SMC2: variants seen among roughly 807,000 people sequenced by gnomAD.
SMC2 encodes structural maintenance of chromosomes 2, also known as structural maintenance of chromosomes protein 2.
In SMC2, 41 loss-of-function variants were observed where a neutral mutation model predicts 142.6. The ratio of observed to expected loss-of-function variants is 0.29; its 90% CI spans 0.22 to 0.37. The LOEUF is 0.37. SMC2 is among the 10% of genes least tolerant of loss of function. The pLI, the probability that SMC2 is intolerant of heterozygous loss-of-function variation, is 1.00. For synonymous variants in SMC2, 463 were observed against 457.5 expected (o/e 1.01, Z -0.15); for missense variants, 1,265 against 1,373.7 (o/e 0.92, Z 1.25).
Position 104,114,772 on chromosome 9 carries a change from C to G in SMC2, c.1614C>G (p.Thr538=). 1 of 1,613,158 alleles carries G rather than the reference C, an allele frequency of 6.2e-7. No individual in the cohort carries two copies. The highest frequency in any genetic ancestry group is 8.5e-7 in the Non-Finnish European group (1 of 1,179,378). ...SLISVKDTSA[T]TALELVAGER... is the part of the protein sequence containing the mutation. The stretch of plus-strand genomic sequence containing the variant: ...TTAGTGTGAAAGACACTTCTGCAAC[C>G]ACAGCTTTAGAATTAGTGGCTGGAG... The change falls in exon 13 of 25, where the codon ACC becomes ACG. Residue 538 remains threonine (T), a synonymous_variant. Transcript: ENST00000374793.
rs1388069477 is a variant in SMC2 at position 104,095,428 on chromosome 9, C to G, written c.44C>G (p.Ala15Gly). 2 of 1,613,724 alleles carry G rather than the reference C, an allele frequency of 1.2e-6. No individual in the cohort carries two copies. Among genetic ancestry groups the G allele is most frequent in the East Asian group, 2.2e-5 (1 of 44,870 alleles). Reference sequence around the variant, plus strand: ...ATTCTAGAGGGATTCAAGTCCTATGCTCAGAGGACCGAAGTCAATGGTTTT... The same window carrying G: ...ATTCTAGAGGGATTCAAGTCCTATGGTCAGAGGACCGAAGTCAATGGTTTT... ...SIILEGFKSY[A>G]QRTEVNGFDP... Residue 15 changes from alanine to glycine, a missense_variant, in exon 2 of 25, where the codon GCT (alanine) becomes GGT (glycine). Ala to Gly is a moderately conservative substitution (Grantham distance 60). Around this residue, in one of 4 missense-constraint regions of SMC2, gnomAD observed 168 missense variants for 184.8 expected, o/e 0.91. Transcript: ENST00000374793.
At chr9:104,134,796 A>G (rs530563664) in intron 23 of SMC2, among the ~76,000 whole-genome samples, 4 of 152,250 alleles carry the variant, frequency 2.6e-5, no homozygotes, top group South Asian at 2.1e-4. Context: ...TAAAAAATCT[A>G]TTTTCAAATA....
chr9:104,127,438 C>T lies in SMC2; in HGVS notation c.2748C>T (p.Asn916=). The change falls in exon 20 of 25, where the codon AAC becomes AAT. Residue 916 remains asparagine (N), a synonymous_variant. Coordinates refer to ENST00000374793, the MANE Select transcript of SMC2 (RefSeq NM_006444.3). ...SQLKIKELDH[N]ISKHKREAED... ...TTAAAATTAAGGAATTAGACCACAA[C>T]ATCAGCAAACATAAACGGGAGGCTG... 1 of 1,612,666 alleles carries T rather than the reference C, an allele frequency of 6.2e-7. No individual in the cohort carries two copies. The highest frequency in any genetic ancestry group is 8.5e-7 in the Non-Finnish European group (1 of 1,179,292).
At chr9:104,126,181 G>GC (rs1834251209) in intron 18 of SMC2, among the ~76,000 whole-genome samples, 1 of 152,038 alleles carries the variant, frequency 6.6e-6, no homozygotes, top group Admixed American at 6.6e-5. Context: ...CTCTCCCTGT[G>GC]CCCGCCATAT....
At chr9:104,134,935 A>C (rs1835371309) in intron 23 of SMC2, among the ~76,000 whole-genome samples, 1 of 152,094 alleles carries the variant, frequency 6.6e-6, no homozygotes, top group Non-Finnish European at 1.5e-5. Context: ...TCACTAAGTT[A>C]AAAAGACAGA....
intron 23 of SMC2, among the ~76,000 whole-genome samples, chr9:104,137,472 G>A (rs1228725244): frequency 6.6e-6 from 1 of 152,072 alleles, no homozygotes; most frequent in Non-Finnish European, 1.5e-5. Flanking sequence ...TGACAGTGAT[G>A]TACTTAGAGT....
rs200540431 is a variant in SMC2 at position 104,100,202 on chromosome 9, C to T, written c.590C>T (p.Thr197Met). ...GAGGCTAAGCTGAAAGAAATTAAGA[C>T]GGTAATTTAATTCATATAAAATATT... ...KKEAKLKEIKTILEEEITPTI... is the reference protein window; with the variant it reads ...KKEAKLKEIKMILEEEITPTI... Residue 197 changes from threonine to methionine, a missense_variant and splice_region_variant, in exon 6 of 25, where the codon ACG becomes ATG. Physicochemically the swap from Thr to Met is moderately conservative, Grantham distance 81 (BLOSUM62 -1). This residue lies in a region of SMC2 where 898 missense variants were observed against 904.2 expected (regional missense o/e 0.99). Transcript: ENST00000374793. The T allele has an allele frequency of 5.0e-5, 76 of 1,518,702 alleles. No individual in the cohort carries two copies. The highest frequency in any genetic ancestry group is 3.6e-4 in the Admixed American group (16 of 44,004). The allele number at this position is 1,518,702 out of a possible 1,614,324, so 94.1% of individuals were successfully genotyped here.
chr9:104,129,549 A>T, intron 20 of SMC2, 96 bp from the exon 21 acceptor site: 1 of 981,612 alleles, frequency 1.0e-6, no homozygotes, highest in Non-Finnish European at 1.6e-6. Context: ...CCTCTTCAGT[A>T]TTTGATTCAA....
chr9:104,124,156 A>G (rs549567810), intron 17 of SMC2, among the ~76,000 whole-genome samples: 7 of 152,306 alleles, frequency 4.6e-5, no homozygotes, highest in East Asian at 1.9e-4. Flanking sequence ...CAGTGGCGCA[A>G]TCTCAGCTCA....
At chr9:104,137,745 A>G (rs781757010) in intron 23 of SMC2, among the ~76,000 whole-genome samples, 11 of 152,238 alleles carry the variant, frequency 7.2e-5, no homozygotes, top group Non-Finnish European at 1.3e-4. Context: ...ACATGATCTT[A>G]AGAATAGGTG....
chr9:104,113,948 A>G lies in SMC2; in HGVS notation c.1415-16A>G, dbSNP rs145425523. 496 of 1,480,012 alleles carry G rather than the reference A, an allele frequency of 3.4e-4. 1 individual carries two copies. In the African/African-American group the frequency reaches 6.1e-3, roughly 18 times the overall value. 91.7% of individuals were successfully genotyped at this position (1,480,012 alleles called of 1,614,324 possible). The stretch of plus-strand genomic sequence containing the variant: ...TTTTAAAACTTGGTTTTAATTTATT[A>G]TGATTTATCCTTCAGAAAATAAAGA... On this transcript the variant is annotated splice_polypyrimidine_tract_variant and intron_variant, in intron 11 of 24. Coordinates refer to ENST00000374793, the MANE Select transcript of SMC2 (RefSeq NM_006444.3).
At chr9:104,135,805 A>G in intron 23 of SMC2, 2 of 518,230 alleles carry the variant, frequency 3.9e-6, no homozygotes, top group South Asian at 2.8e-5. Context: ...GTATATGTCA[A>G]CTTAGAATTG....
At chr9:104,105,546 A>G (rs1010930083) in intron 9 of SMC2, among the ~76,000 whole-genome samples, 3 of 152,162 alleles carry the variant, frequency 2.0e-5, no homozygotes, top group Admixed American at 1.3e-4. Flanking sequence ...AAAACTGTTC[A>G]TGAAGCTCCT....
chr9:104,111,097 C>A (rs7860378), intron 9 of SMC2, among the ~76,000 whole-genome samples: 9,195 of 152,196 alleles, frequency 0.06, 744 homozygotes, highest in African/African-American at 0.19. Flanking sequence ...ATAGTGTCAG[C>A]TATCTGGTAG....
intron 20 of SMC2, among the ~76,000 whole-genome samples, chr9:104,128,366 G>A (rs1002031233): frequency 6.6e-6 from 1 of 152,096 alleles, no homozygotes; most frequent in African/African-American, 2.4e-5. Context: ...ACTACCAATG[G>A]CAATGTTACT....
At chr9:104,102,226 C>G (rs1171710220) in intron 8 of SMC2, 33 bp downstream of exon 8, 1 of 1,305,940 alleles carries the variant, frequency 7.7e-7, no homozygotes, top group South Asian at 1.3e-5. Flanking sequence ...CGATAATATA[C>G]TCTGTGAAAA....
At chr9:104,115,265 T>A (rs911694408) in intron 13 of SMC2, among the ~76,000 whole-genome samples, 2 of 151,396 alleles carry the variant, frequency 1.3e-5, no homozygotes, top group African/African-American at 4.8e-5. Context: ...TTAATTTATT[T>A]TATATATATA....
chr9:104,102,183 G>T lies in SMC2; in HGVS notation c.860G>T (p.Arg287Ile), dbSNP rs755301933. 34 of 1,528,170 alleles carry T rather than the reference G, an allele frequency of 2.2e-5. No individual in the cohort carries two copies. Among genetic ancestry groups the T allele is most frequent in the Admixed American group, 5.3e-5 (3 of 57,040 alleles). The allele number at this position is 1,528,170 out of a possible 1,614,324, so 94.7% of individuals were successfully genotyped here. A position where few individuals can be genotyped will look rare whatever the true frequency, so the allele number is the denominator to read the frequency against. ...LNHEIEELEK[R>I]KDKETGGILR... is the part of the protein sequence containing the mutation. ...CATGAAATAGAAGAATTGGAAAAAA[G>T]AAAAGATAAGGTCTGAACATATGTA... is the stretch of plus-strand genomic sequence containing the variant. Residue 287 changes from arginine (R) to isoleucine (I), a missense_variant, in exon 8 of 25, where the codon AGA becomes ATA. Arg to Ile is a moderately conservative substitution (Grantham distance 97). This residue lies in a region of SMC2 where 898 missense variants were observed against 904.2 expected (regional missense o/e 0.99). Coordinates refer to ENST00000374793, the MANE Select transcript of SMC2 (RefSeq NM_006444.3).
At chr9:104,131,005 G>A (rs1194765376) in intron 21 of SMC2, among the ~76,000 whole-genome samples, 1 of 152,114 alleles carries the variant, frequency 6.6e-6, no homozygotes, top group African/African-American at 2.4e-5. Flanking sequence ...GAAGGTTAGG[G>A]GAGCGTGGCT....
Sources: allele counts gnomAD v4.1 joint callset (sites outside exome capture counted in the v4.1 genomes callset), GRCh38; gene constraint gnomAD v4.1.1; regional missense constraint gnomAD v4.1.1; transcripts MANE v1.5; gene names NCBI Gene and HGNC (gene_info 2026-07-23, HGNC 2026-07-21).